The following CASS4 variants were observed in gnomAD, a reference collection of about 807,000 sequenced individuals.
CASS4 encodes cas scaffolding protein family member 4.
CASS4 carries 22 observed loss-of-function variants against 54.2 expected under a neutral mutation model. That is an observed-to-expected ratio of 0.41 (90% CI 0.29 to 0.58). CASS4 has a LOEUF of 0.58. Ranked by LOEUF, CASS4 falls within the 20% of genes least tolerant of loss-of-function variation. The probability of loss-of-function intolerance (pLI) is 0.36; values close to 1 mark genes in which losing one functional copy is unlikely to be tolerated. For synonymous variants in CASS4, 409 were observed against 391.5 expected, an observed-to-expected ratio of 1.04 and a Z score of -0.53; for missense variants, 854 against 986.7, an observed-to-expected ratio of 0.87 and a Z score of 1.80.
chr20:56,415,694 C>G (rs1979097649), intron 1 of CASS4, among the ~76,000 whole-genome samples: 1 of 152,160 alleles, frequency 6.6e-6, no homozygotes, highest in Admixed American at 6.5e-5. Flanking sequence ...ACAACCCTGC[C>G]TTTCATTCAG....
Position 56,456,178 on chromosome 20 carries a change from G to A in CASS4, c.1954-2162G>A, listed in dbSNP as rs6024889. Among the ~76,000 whole-genome samples the A allele has an allele frequency of 7.2e-3, 1,090 of 152,048 alleles. 23 individuals are homozygous for A. Among genetic ancestry groups the A allele is most frequent in the African/African-American group, 0.024 (1,011 of 41,460 alleles). ...ACAGTTCTCCATTGCGTGGTGAACC[G>A]TTCAGCATCCCAGAACCCCTGCCCG... On this transcript the variant is annotated intron_variant, in intron 5 of 5. Coordinates refer to ENST00000679887, the MANE Select transcript of CASS4 (RefSeq NM_020356.4).
intron 1 of CASS4, among the ~76,000 whole-genome samples, chr20:56,425,864 A>T (rs1429418110): frequency 1.3e-5 from 2 of 152,236 alleles, no homozygotes; most frequent in Non-Finnish European, 2.9e-5. Context: ...TCAGTGAGTG[A>T]CATAATCTTC....
At position 56,452,415 on chromosome 20, in the gene CASS4, C is replaced by G; in HGVS notation, c.1239C>G (p.Cys413Trp). Residue 413 changes from cysteine to tryptophan, a missense_variant, in exon 5 of 6, where the codon TGC (cysteine) becomes TGG (tryptophan). Transcript: ENST00000679887. ...GCAGAGCTAGCATCGTTTCCTCGTG[C>G]TCCACCACATCCACCGACGACTCCT... ...SDSRASIVSS[C>W]STTSTDDSSS... The G allele has an allele frequency of 6.2e-7, 1 of 1,614,066 alleles. No homozygotes were observed. Among genetic ancestry groups the G allele is most frequent in the Non-Finnish European group, 8.5e-7 (1 of 1,180,010 alleles).
At position 56,414,094 on chromosome 20, in the gene CASS4, C is replaced by G. The variant is rs984389404; in HGVS notation, c.36+1600C>G. 6.6e-6 allele frequency among the ~76,000 whole-genome samples: 1 copy of G among 152,112 alleles called. No individual in the cohort carries two copies. The highest frequency in any genetic ancestry group is 2.4e-5 in the African/African-American group (1 of 41,412). ...GAAGAATATCTACATATCATCATAC[C>G]CAAGAACATTTCACATTTATTTAAT... On this transcript the variant is annotated intron_variant, in intron 1 of 5. Transcript: ENST00000679887. The surrounding 1 kb of genome is among the most constrained non-coding windows in gnomAD (Gnocchi z 4.1).
chr20:56,427,037 T>G (rs1288807231), intron 1 of CASS4, among the ~76,000 whole-genome samples: 1 of 152,162 alleles, frequency 6.6e-6, no homozygotes, highest in Non-Finnish European at 1.5e-5. Flanking sequence ...GATGTGTGCC[T>G]GTAGTCCCAG....
intron 2 of CASS4, among the ~76,000 whole-genome samples, chr20:56,439,517 T>C (rs1038079121): frequency 1.3e-5 from 2 of 150,970 alleles, no homozygotes; most frequent in African/African-American, 4.9e-5. Context: ...CTAATAATAA[T>C]AAAAAATAAT....
chr20:56,454,292 C>G (rs1981182447), intron 5 of CASS4, among the ~76,000 whole-genome samples: 1 of 152,168 alleles, frequency 6.6e-6, no homozygotes, highest in South Asian at 2.1e-4. Context: ...TTAAGAGGCC[C>G]AGAAGTCACT....
At chr20:56,446,043 G>T (rs774236732) in intron 3 of CASS4, 42 bp downstream of exon 3, 3 of 1,346,998 alleles carry the variant, frequency 2.2e-6, no homozygotes, top group Non-Finnish European at 3.2e-6. Flanking sequence ...AGACCTCTGC[G>T]CCCAGAGTCT....
chr20:56,413,667 T>A (rs1482520507), intron 1 of CASS4, among the ~76,000 whole-genome samples: 2 of 117,100 alleles, frequency 1.7e-5, no homozygotes, highest in South Asian at 2.8e-4. Flanking sequence ...AGCAAGACTC[T>A]GTCTCAAAAA....
intron 1 of CASS4, among the ~76,000 whole-genome samples, chr20:56,421,937 G>A (rs1373094725): frequency 6.6e-6 from 1 of 152,184 alleles, no homozygotes; most frequent in Non-Finnish European, 1.5e-5. Flanking sequence ...TGAACTAAGA[G>A]GTAAGAGTAA....
rs1324998078 is a variant in CASS4 at position 56,412,317 on chromosome 20, C to T, written c.-142C>T. The stretch of plus-strand genomic sequence containing the variant: ...TGCCTGCTGGGAGAGTCTTTTTGAT[C>T]GTTTCCCATGTGTTGTCAGATAGCT... On this transcript the variant is annotated 5_prime_UTR_variant, in exon 1 of 6. Transcript: ENST00000679887. The surrounding 1 kb of genome is among the most constrained non-coding windows in gnomAD (Gnocchi z 4.2). The T allele has an allele frequency of 3.4e-6, 3 of 874,218 alleles. No individual in the cohort carries two copies. The highest frequency in any genetic ancestry group is 1.7e-5 in the African/African-American group (1 of 58,478). The allele number at this position is 874,218 out of a possible 1,614,324, so 54.2% of individuals were successfully genotyped here. A position where few individuals can be genotyped will look rare whatever the true frequency, so the allele number is the denominator to read the frequency against.
intron 2 of CASS4, among the ~76,000 whole-genome samples, chr20:56,444,848 C>T (rs756557893): frequency 6.6e-5 from 10 of 152,194 alleles, no homozygotes; most frequent in African/African-American, 1.9e-4. Context: ...CGGTGGCTCA[C>T]GCCTGTAATC....
intron 1 of CASS4, among the ~76,000 whole-genome samples, chr20:56,417,156 G>T (rs934677983): frequency 2.0e-5 from 3 of 152,236 alleles, no homozygotes; most frequent in Non-Finnish European, 4.4e-5. Flanking sequence ...AGAAAGCCTG[G>T]TGAGGCTTCG....
intron 1 of CASS4, among the ~76,000 whole-genome samples, chr20:56,433,218 G>A (rs147324051): frequency 1.3e-5 from 2 of 152,362 alleles, no homozygotes; most frequent in Admixed American, 1.3e-4. Flanking sequence ...GGGAGAACTA[G>A]TTTGGTCAAG....
At chr20:56,418,204 G>A (rs1014993441) in intron 1 of CASS4, among the ~76,000 whole-genome samples, 4 of 152,154 alleles carry the variant, frequency 2.6e-5, no homozygotes, top group African/African-American at 7.2e-5. Flanking sequence ...GGCGATGGAT[G>A]GAAAAGGCCA....
Position 56,452,268 on chromosome 20 carries a change from G to C in CASS4, c.1092G>C (p.Lys364Asn). 6.2e-7 allele frequency: 1 copy of C among 1,614,002 alleles called. No individual in the cohort carries two copies. The highest frequency in any genetic ancestry group is 8.5e-7 in the Non-Finnish European group (1 of 1,180,040). ...CGTCGAGTGTTTCTCAGGCTGGGAA[G>C]GAGCTGGAGAAAGCCAAGGAGGTGT... ...KATSSVSQAG[K>N]ELEKAKEVSE... The change falls in exon 5 of 6, where the codon AAG (lysine) becomes AAC (asparagine). Residue 364 changes from lysine to asparagine, a missense_variant. Transcript: ENST00000679887.
At position 56,458,747 on chromosome 20, in the gene CASS4, A is replaced by T. The variant is rs1359241049; in HGVS notation, c.2361A>T (p.Ter787CysextTer50). The T allele has an allele frequency of 1.9e-6, 3 of 1,594,402 alleles. No homozygotes were observed. The highest frequency in any genetic ancestry group is 2.6e-6 in the Non-Finnish European group (3 of 1,168,196). ...HTRQFRGTLG[*>C] ...GGCAGTTCAGAGGGACACTGGGATG[A>T]GGACTGTCTACCTCCCTTCCTCCTC... is the stretch of plus-strand genomic sequence containing the variant. Residue 787 changes from the stop codon to cysteine, a stop_lost, in exon 6 of 6, where the codon TGA becomes TGT. Coordinates refer to ENST00000679887, the MANE Select transcript of CASS4 (RefSeq NM_020356.4).
At chr20:56,427,609 T>C (rs1304893238) in intron 1 of CASS4, among the ~76,000 whole-genome samples, 2 of 152,190 alleles carry the variant, frequency 1.3e-5, no homozygotes, top group Admixed American at 6.6e-5. Context: ...CACAGCTACC[T>C]CATAAAAATG....
chr20:56,416,061 T>A (rs1979120618), intron 1 of CASS4, among the ~76,000 whole-genome samples: 1 of 152,242 alleles, frequency 6.6e-6, no homozygotes, highest in Admixed American at 6.5e-5. Flanking sequence ...TTTTCGTGGG[T>A]TTTTTTGAGG....
Sources: allele counts gnomAD v4.1 joint callset (sites outside exome capture counted in the v4.1 genomes callset), GRCh38; gene constraint gnomAD v4.1.1; non-coding constraint Gnocchi (gnomAD v3.1); transcripts MANE v1.5; gene names NCBI Gene and HGNC (gene_info 2026-07-23, HGNC 2026-07-21).